Variants in PAM observed in about 807,000 individuals in gnomAD.
PAM encodes the protein peptidyl-glycine alpha-amidating monooxygenase.
A neutral mutation model predicts 122.1 loss-of-function variants in PAM; 72 were observed. The ratio of observed to expected loss-of-function variants is 0.59; its 90% CI spans 0.49 to 0.72. The LOEUF (loss-of-function observed/expected upper bound fraction) is 0.72, where lower values mean the gene tolerates loss of function less well. Among genes scored for constraint, PAM ranks in the 30% least tolerant of loss-of-function variants. The probability of loss-of-function intolerance (pLI) is 0.00; values close to 1 mark genes in which losing one functional copy is unlikely to be tolerated. For missense variants in PAM, 1,106 were observed against 1,183.7 expected, an observed-to-expected ratio of 0.93 and a Z score of 0.96; for synonymous variants, 389 against 404.4, an observed-to-expected ratio of 0.96 and a Z score of 0.46.
upstream of PAM, chr5:102,755,069 G>C (rs1191081389): frequency 6.6e-6 from 1 of 152,482 alleles, no homozygotes; most frequent in Admixed American, 6.5e-5. Context: ...CAAAGAGGCA[G>C]GGCGGAGCAG....
chr5:102,827,356 A>G (rs1415774204), intron 1 of PAM, among the ~76,000 whole-genome samples: 1 of 152,220 alleles, frequency 6.6e-6, no homozygotes, highest in Non-Finnish European at 1.5e-5. Flanking sequence ...TCTGGTCCCA[A>G]ACATTTTCTT....
rs114207935 is a variant in PAM at position 102,784,256 on chromosome 5, A to G, written c.-374+28908A>G. Among the ~76,000 whole-genome samples, 589 of 152,152 alleles carry G rather than the reference A, an allele frequency of 3.9e-3. 2 individuals are homozygous for G. Among genetic ancestry groups the G allele is most frequent in the Middle Eastern group, 0.017 (5 of 294 alleles). ...TCCTCTTCTCCCTGTGTAACCTCTAAGCTCCAATCATACCAGCCTTTCTGT... is the reference window on the plus strand; with the variant it reads ...TCCTCTTCTCCCTGTGTAACCTCTAGGCTCCAATCATACCAGCCTTTCTGT... On this transcript the variant is annotated intron_variant, in intron 1 of 25. Coordinates refer to ENST00000438793, the MANE Select transcript of PAM (RefSeq NM_001177306.2).
intron 3 of PAM, among the ~76,000 whole-genome samples, chr5:102,898,901 T>C (rs1328323844): frequency 2.6e-5 from 4 of 151,710 alleles, no homozygotes; most frequent in African/African-American, 4.8e-5. Flanking sequence ...GCAAACAAAT[T>C]ACTTACCATC....
intron 1 of PAM, among the ~76,000 whole-genome samples, chr5:102,770,982 A>G (rs1478250134): frequency 6.6e-6 from 1 of 152,058 alleles, no homozygotes; most frequent in African/African-American, 2.4e-5. Context: ...TAAGGTGATA[A>G]GAGCTGTATT....
chr5:103,003,456 T>G (rs1295893196), intron 17 of PAM, among the ~76,000 whole-genome samples: 3 of 152,188 alleles, frequency 2.0e-5, no homozygotes, highest in Non-Finnish European at 4.4e-5. Flanking sequence ...ATTTGGAATG[T>G]TCTCACCTCA....
chr5:102,900,854 A>T (rs1340292440), intron 3 of PAM, among the ~76,000 whole-genome samples: 2 of 151,582 alleles, frequency 1.3e-5, no homozygotes, highest in African/African-American at 4.8e-5. Flanking sequence ...TGATTTCTTC[A>T]ATGTATTACA....
At chr5:102,958,795 C>T (rs1582178973) in intron 12 of PAM, among the ~76,000 whole-genome samples, 1 of 152,128 alleles carries the variant, frequency 6.6e-6, no homozygotes, top group East Asian at 1.9e-4. Flanking sequence ...TGATGTCATA[C>T]TGTTGCTATG....
At chr5:102,945,677 A>T (rs1160496532) in intron 7 of PAM, among the ~76,000 whole-genome samples, 1 of 151,250 alleles carries the variant, frequency 6.6e-6, no homozygotes, top group East Asian at 1.9e-4. Context: ...TTTTACTTTT[A>T]TTCTAGTCAC....
intron 1 of PAM, among the ~76,000 whole-genome samples, chr5:102,769,964 T>C (rs1755242729): frequency 6.6e-6 from 1 of 152,162 alleles, no homozygotes; most frequent in Non-Finnish European, 1.5e-5. Context: ...TTTACCGATA[T>C]TGATTCTTCC....
chr5:102,876,893 C>T (rs1031762682), intron 3 of PAM, among the ~76,000 whole-genome samples: 4 of 152,124 alleles, frequency 2.6e-5, no homozygotes, highest in East Asian at 1.9e-4. Context: ...GCACTTTAAG[C>T]GGAGCTAGAG....
intron 15 of PAM, among the ~76,000 whole-genome samples, chr5:102,979,763 T>G (rs1282702146): frequency 2.6e-5 from 4 of 152,092 alleles, no homozygotes; most frequent in African/African-American, 7.2e-5. Context: ...ATCTTTTTCA[T>G]GATTAATTGA....
At chr5:102,872,942 A>G (rs1787995044) in intron 3 of PAM, among the ~76,000 whole-genome samples, 1 of 152,170 alleles carries the variant, frequency 6.6e-6, no homozygotes, top group Non-Finnish European at 1.5e-5. Context: ...ACGGAGGGAA[A>G]GGATTTAAAA....
chr5:102,987,132 A>AT (rs1772121625), intron 15 of PAM, among the ~76,000 whole-genome samples: 1 of 152,188 alleles, frequency 6.6e-6, no homozygotes, highest in Non-Finnish European at 1.5e-5. Context: ...AGTAGCCAAG[A>AT]TATGGAATCA....
chr5:102,871,985 T>A (rs560484940), intron 3 of PAM, among the ~76,000 whole-genome samples: 2 of 152,204 alleles, frequency 1.3e-5, no homozygotes, highest in East Asian at 1.9e-4. Context: ...ATTAAATATC[T>A]TCCTTGAGCC....
chr5:102,815,833 TG>T, intron 1 of PAM, among the ~76,000 whole-genome samples: 1 of 152,178 alleles, frequency 6.6e-6, no homozygotes, highest in Non-Finnish European at 1.5e-5. Flanking sequence ...TGTTGAAAGT[TG>T]GAAGAGTAAC....
intron 24 of PAM, among the ~76,000 whole-genome samples, chr5:103,027,922 AGAG>A (rs1476882645): frequency 4.6e-5 from 7 of 152,160 alleles, no homozygotes; most frequent in African/African-American, 1.2e-4. Context: ...TTCTTTTGTC[AGAG>A]GAGAAAACTG....
chr5:102,935,436 CTAATG>C (rs1371730006), intron 7 of PAM, among the ~76,000 whole-genome samples: 2 of 152,040 alleles, frequency 1.3e-5, no homozygotes, highest in East Asian at 3.9e-4. Flanking sequence ...TGGATATACT[CTAATG>C]TGTGTATCTT....
At chr5:102,767,351 A>G (rs1754416384) in intron 1 of PAM, among the ~76,000 whole-genome samples, 2 of 152,136 alleles carry the variant, frequency 1.3e-5, no homozygotes, top group South Asian at 2.1e-4. Flanking sequence ...TGGCATTAAG[A>G]TGTCCCATTT....
At chr5:102,878,370 T>C (rs1479449012) in intron 3 of PAM, among the ~76,000 whole-genome samples, 3 of 152,198 alleles carry the variant, frequency 2.0e-5, no homozygotes, top group South Asian at 2.1e-4. Flanking sequence ...CTGCCAGTTA[T>C]GTAACAGTAT....
Sources: allele counts gnomAD v4.1 joint callset (sites outside exome capture counted in the v4.1 genomes callset), GRCh38; gene constraint gnomAD v4.1.1; transcripts MANE v1.5; gene names NCBI Gene and HGNC (gene_info 2026-07-23, HGNC 2026-07-21).